The following SMAP1 variants were observed in gnomAD, a reference collection of about 807,000 sequenced individuals.
The protein encoded by SMAP1 is stromal membrane-associated protein 1.
In SMAP1, 24 loss-of-function variants were observed where a neutral mutation model predicts 58.5. The ratio of observed to expected loss-of-function variants is 0.41; its 90% CI spans 0.30 to 0.58. The LOEUF (loss-of-function observed/expected upper bound fraction) is 0.58. SMAP1 is among the 20% of genes least tolerant of loss of function. The probability of loss-of-function intolerance (pLI) is 0.29; values close to 1 mark genes in which losing one functional copy is unlikely to be tolerated. For missense variants in SMAP1, 563 were observed against 566.3 expected, an observed-to-expected ratio of 0.99 and a Z score of 0.06; for synonymous variants, 216 against 196.6, an observed-to-expected ratio of 1.10 and a Z score of -0.82.
chr6:70,736,873 T>C (rs1765638657), intron 2 of SMAP1, among the ~76,000 whole-genome samples: 1 of 152,342 alleles, frequency 6.6e-6, no homozygotes, highest in South Asian at 2.1e-4. Flanking sequence ...TTCAGAGTAA[T>C]TTTCCTAGAA....
intron 2 of SMAP1, among the ~76,000 whole-genome samples, chr6:70,748,530 G>T (rs1193019537): frequency 1.3e-5 from 2 of 152,038 alleles, no homozygotes; most frequent in African/African-American, 4.8e-5. Flanking sequence ...GCTTGGATGA[G>T]ATTTTTTAAA....
chr6:70,756,857 G>C (rs1410264700), intron 3 of SMAP1, among the ~76,000 whole-genome samples: 2 of 151,920 alleles, frequency 1.3e-5, no homozygotes, highest in African/African-American at 4.8e-5. Flanking sequence ...CACTGCTCAA[G>C]GAAATAAAAG....
intron 1 of SMAP1, among the ~76,000 whole-genome samples, chr6:70,729,627 C>T (rs992664716): frequency 2.6e-5 from 4 of 152,100 alleles, no homozygotes; most frequent in South Asian, 2.1e-4. Context: ...CACGAGGACC[C>T]TCATGCTTTA....
intron 1 of SMAP1, among the ~76,000 whole-genome samples, chr6:70,726,875 G>T (rs1442365054): frequency 9.1e-5 from 1 of 11,002 alleles, no homozygotes; most frequent in Non-Finnish European, 1.5e-4. Context: ...AATTTTAGGG[G>T]TGTGTGTGTG....
chr6:70,798,688 A>G lies in SMAP1; in HGVS notation c.527A>G (p.Lys176Arg). 6.4e-7 allele frequency: 1 copy of G among 1,553,614 alleles called. No homozygotes were observed. Among genetic ancestry groups the G allele is most frequent in the Non-Finnish European group, 8.7e-7 (1 of 1,150,782 alleles). Residue 176 changes from lysine to arginine, a missense_variant, in exon 6 of 11, where the codon AAG (lysine) becomes AGG (arginine). By Grantham distance (26) the Lys-to-Arg change is conservative. Around this residue, in one of 3 missense-constraint regions of SMAP1, gnomAD observed 494 missense variants for 473.8 expected, o/e 1.04. Transcript: ENST00000370455. ...KEKEKKKEEK[K>R]REKEPEKPAK... ...AAGGAAAAAAAAAAGGAAGAGAAAA[A>G]GAGAGAAAAGGAGCCAGAAAAGCCG...
chr6:70,826,220 A>T (rs1001807206), intron 6 of SMAP1, among the ~76,000 whole-genome samples: 1 of 152,294 alleles, frequency 6.6e-6, no homozygotes, highest in East Asian at 1.9e-4. Flanking sequence ...ATAATAAGAA[A>T]CTTTTTAGAA....
chr6:70,714,036 C>T (rs1159600881), intron 1 of SMAP1, among the ~76,000 whole-genome samples: 1 of 152,090 alleles, frequency 6.6e-6, no homozygotes, highest in Non-Finnish European at 1.5e-5. Flanking sequence ...TTACAGTGTA[C>T]TTCGATGCAA....
intron 1 of SMAP1, among the ~76,000 whole-genome samples, chr6:70,707,261 CCATT>C (rs1767878159): frequency 6.6e-6 from 1 of 152,066 alleles, no homozygotes; most frequent in African/African-American, 2.4e-5. Context: ...TCACTTGTGT[CCATT>C]CTTTCTCTTT....
At chr6:70,800,663 C>T (rs1768802340) in intron 6 of SMAP1, among the ~76,000 whole-genome samples, 1 of 151,772 alleles carries the variant, frequency 6.6e-6, no homozygotes, top group African/African-American at 2.4e-5. Context: ...CTGTCCCTCC[C>T]CCAGCCCCCC....
At chr6:70,724,634 T>G (rs1196786078) in intron 1 of SMAP1, among the ~76,000 whole-genome samples, 1 of 152,230 alleles carries the variant, frequency 6.6e-6, no homozygotes, top group Non-Finnish European at 1.5e-5. Context: ...TGTGGAAACT[T>G]TCTTCTAAAC....
At chr6:70,848,016 A>G (rs1256534679) in intron 7 of SMAP1, among the ~76,000 whole-genome samples, 1 of 152,198 alleles carries the variant, frequency 6.6e-6, no homozygotes, top group Non-Finnish European at 1.5e-5. Flanking sequence ...AATAAGCTTT[A>G]TGCTTTCTAA....
At chr6:70,785,814 T>G (rs1020280933) in intron 4 of SMAP1, among the ~76,000 whole-genome samples, 3 of 151,822 alleles carry the variant, frequency 2.0e-5, no homozygotes, top group Non-Finnish European at 4.4e-5. Flanking sequence ...TAATCAATAG[T>G]TTACCAACCA....
chr6:70,693,092 A>G (rs145148414), intron 1 of SMAP1, among the ~76,000 whole-genome samples: 2 of 151,536 alleles, frequency 1.3e-5, no homozygotes, highest in African/African-American at 4.8e-5. Flanking sequence ...CTATGTGTCT[A>G]TTTTTATGCC....
Position 70,857,001 on chromosome 6 carries a change from C to T in SMAP1, c.932C>T (p.Thr311Ile), listed in dbSNP as rs779667189. ...SKDSILSLYG[T>I]GTIQQQSTPG... Reference sequence around the variant, plus strand: ...GACTCCATCTTATCTCTGTATGGCACAGGAACCATTCAACAGCAAAGTACT... The same window carrying T: ...GACTCCATCTTATCTCTGTATGGCATAGGAACCATTCAACAGCAAAGTACT... The change falls in exon 9 of 11, where the codon ACA becomes ATA. Residue 311 changes from threonine to isoleucine, a missense_variant. Physicochemically the swap from Thr to Ile is moderately conservative, Grantham distance 89. Transcript: ENST00000370455. 1 of 1,611,864 alleles carries T rather than the reference C, an allele frequency of 6.2e-7. No homozygotes were observed.
chr6:70,803,505 T>C (rs1187372069), intron 6 of SMAP1, among the ~76,000 whole-genome samples: 2 of 152,238 alleles, frequency 1.3e-5, no homozygotes, highest in Non-Finnish European at 2.9e-5. Context: ...TCAGTTCTGC[T>C]CTGATCTTAG....
In SMAP1 at chr6:70,716,444, C is replaced by A. The variant is rs1768272803; in HGVS notation, c.119-15934C>A. ...TGGAGCTCAGCTTTGCTCACTTGCC[C>A]ACCACTCACCTCCTGCTGTGTGGTC... is the stretch of plus-strand genomic sequence containing the variant. On this transcript the variant is annotated intron_variant, in intron 1 of 10. Coordinates refer to ENST00000370455, the MANE Select transcript of SMAP1 (RefSeq NM_001044305.3). Among the ~76,000 whole-genome samples the A allele has an allele frequency of 4.6e-5, 7 of 152,250 alleles. No individual in the cohort carries two copies. In the South Asian group the frequency reaches 1.5e-3, roughly 32 times the overall value.
intron 6 of SMAP1, among the ~76,000 whole-genome samples, chr6:70,828,456 T>A (rs1770227865): frequency 1.3e-5 from 2 of 152,280 alleles, no homozygotes; most frequent in South Asian, 4.2e-4. Flanking sequence ...CGTAGATTAG[T>A]TTTTTCCTAA....
intron 4 of SMAP1, among the ~76,000 whole-genome samples, chr6:70,786,777 AC>A (rs1314493642): frequency 6.6e-6 from 1 of 152,220 alleles, no homozygotes; most frequent in Non-Finnish European, 1.5e-5. Flanking sequence ...AAGGAGAACT[AC>A]AAACCACTGC....
At chr6:70,812,748 C>T (rs1769445271) in intron 6 of SMAP1, among the ~76,000 whole-genome samples, 1 of 152,174 alleles carries the variant, frequency 6.6e-6, no homozygotes, top group African/African-American at 2.4e-5. Context: ...TTTCACCTAT[C>T]ATTTCATTTC....
Sources: allele counts gnomAD v4.1 joint callset (sites outside exome capture counted in the v4.1 genomes callset), GRCh38; gene constraint gnomAD v4.1.1; regional missense constraint gnomAD v4.1.1; transcripts MANE v1.5; gene names NCBI Gene and HGNC (gene_info 2026-07-23, HGNC 2026-07-21).